PECAM1: variants seen among roughly 807,000 people sequenced by gnomAD.
The protein encoded by PECAM1 is platelet and endothelial cell adhesion molecule 1.
Under a neutral mutation model 13.8 loss-of-function variants are expected in PECAM1, and 8 were observed. The observed-to-expected ratio is 0.58, with a 90% CI of 0.34 to 1.05. The LOEUF is 1.05. PECAM1 is among the 50% of genes least tolerant of loss of function. The pLI is 0.03. For synonymous variants in PECAM1, 136 were observed against 52.6 expected, an observed-to-expected ratio of 2.58 and a Z score of -6.86; for missense variants, 304 against 141.2, an observed-to-expected ratio of 2.15 and a Z score of -5.84.
intron 2 of PECAM1, among the ~76,000 whole-genome samples, chr17:64,387,166 C>T (rs1209941304): frequency 6.6e-6 from 1 of 151,918 alleles, no homozygotes; most frequent in Non-Finnish European, 1.5e-5. Flanking sequence ...CTTTGGGGCA[C>T]GATCAAAAGT....
chr17:64,334,661 C>G (rs2035221409), intron 14 of PECAM1, among the ~76,000 whole-genome samples: 1 of 152,138 alleles, frequency 6.6e-6, no homozygotes, highest in South Asian at 2.1e-4. Context: ...GCGCCCGCCA[C>G]CACGTCCAGC....
At chr17:64,325,254 G>A (rs2034916114) in intron 15 of PECAM1, among the ~76,000 whole-genome samples, 1 of 152,152 alleles carries the variant, frequency 6.6e-6, no homozygotes. Context: ...CGGGCGTGGT[G>A]GCGTGTGCCT....
chr17:64,390,527 A>G lies in PECAM1; in HGVS notation c.65-12T>C, dbSNP rs1788205657. The G allele has an allele frequency of 8.4e-6, 4 of 474,412 alleles. No homozygotes were observed. Among genetic ancestry groups the G allele is most frequent in the East Asian group, 3.1e-5 (1 of 32,034 alleles). 29.4% of individuals were successfully genotyped at this position (474,412 alleles called of 1,614,324 possible). A position where few individuals can be genotyped will look rare whatever the true frequency, so the allele number is the denominator to read the frequency against. On this transcript the variant is annotated splice_polypyrimidine_tract_variant and intron_variant, in intron 1 of 15. Coordinates refer to ENST00000563924, the MANE Select transcript of PECAM1 (RefSeq NM_000442.5). Reference sequence around the variant, plus strand: ...CTCAAGGCTTGAACCTGCAAGAAACATAAGAAACATGTTGATTCCAGAAGC... The same window carrying G: ...CTCAAGGCTTGAACCTGCAAGAAACGTAAGAAACATGTTGATTCCAGAAGC...
chr17:64,369,773 C>T lies in PECAM1; in HGVS notation c.944G>A (p.Ser315Asn). 1 of 398,684 alleles carries T rather than the reference C, an allele frequency of 2.5e-6. No individual in the cohort carries two copies. Among genetic ancestry groups the T allele is most frequent in the Non-Finnish European group, 4.4e-6 (1 of 226,106 alleles). The allele number at this position is 398,684 out of a possible 1,614,324, so 24.7% of individuals were successfully genotyped here. ...KVESSRISKV[S>N]SIVVNITELF... ...ACCTGTTATGTTGACCACGATGCTG[C>T]TGACCTTGGATATGCGGCTGGACTC... The change falls in exon 5 of 16, where the codon AGC (serine) becomes AAC (asparagine). Residue 315 changes from serine (S) to asparagine (N), a missense_variant. Transcript: ENST00000563924.
At chr17:64,362,635 G>C (rs1016120659) in intron 6 of PECAM1, among the ~76,000 whole-genome samples, 4 of 151,840 alleles carry the variant, frequency 2.6e-5, no homozygotes, top group Non-Finnish European at 5.9e-5. Context: ...CTGGGTGACA[G>C]AGCGAGACTG....
In PECAM1 at chr17:64,322,561, T is replaced by G. The variant is rs2034831464; in HGVS notation, c.*1255A>C. On this transcript the variant is annotated 3_prime_UTR_variant, in exon 16 of 16. Transcript: ENST00000563924. ...ACATCCACGAGGGTCCCTGCAGCTG[T>G]GTCACTGAGGCAAACAGGAAAAGTG... The G allele has an allele frequency of 1.0e-6, 1 of 985,272 alleles. No individual in the cohort carries two copies. Among genetic ancestry groups the G allele is most frequent in the Non-Finnish European group, 1.2e-6 (1 of 829,934 alleles). 61.0% of individuals were successfully genotyped at this position (985,272 alleles called of 1,614,324 possible).
At chr17:64,381,597 C>A in intron 2 of PECAM1, among the ~76,000 whole-genome samples, 1 of 152,190 alleles carries the variant, frequency 6.6e-6, no homozygotes, top group Non-Finnish European at 1.5e-5. Flanking sequence ...CTACAATTTG[C>A]GCCTGCTGCT....
chr17:64,331,508 G>A (rs1477653072), intron 14 of PECAM1, among the ~76,000 whole-genome samples: 3 of 152,174 alleles, frequency 2.0e-5, no homozygotes, highest in East Asian at 3.9e-4. Context: ...CTTGGCAGGC[G>A]CCATGCTGTG....
intron 6 of PECAM1, among the ~76,000 whole-genome samples, chr17:64,360,618 G>GTGTGTGTGTGTGT (rs879077732): frequency 6.8e-6 from 1 of 147,448 alleles, no homozygotes; most frequent in Non-Finnish European, 1.5e-5. Context: ...GTGTGTGTGT[G>GTGTGTGTGTGTGT]GTGAGAAGGG....
intron 2 of PECAM1, among the ~76,000 whole-genome samples, chr17:64,381,333 G>A (rs947315352): frequency 2.6e-5 from 4 of 152,258 alleles, no homozygotes; most frequent in South Asian, 2.1e-4. Context: ...TTTGGGATGC[G>A]TTTGTGCTAA....
At chr17:64,333,735 A>G (rs1186052163) in intron 14 of PECAM1, among the ~76,000 whole-genome samples, 2 of 151,800 alleles carry the variant, frequency 1.3e-5, no homozygotes, top group African/African-American at 2.4e-5. Context: ...AGGCGGGCGG[A>G]TTGCTTGAGC....
intron 5 of PECAM1, among the ~76,000 whole-genome samples, chr17:64,364,117 C>T (rs1012634924): frequency 1.4e-4 from 21 of 152,002 alleles, no homozygotes; most frequent in African/African-American, 4.1e-4. Context: ...ATCAAATACA[C>T]GCAATAAAAA....
intron 14 of PECAM1, among the ~76,000 whole-genome samples, chr17:64,332,848 A>G (rs1369808413): frequency 6.6e-6 from 1 of 152,216 alleles, no homozygotes; most frequent in African/African-American, 2.4e-5. Flanking sequence ...TCTGAATTCC[A>G]GGCAAATAGA....
intron 7 of PECAM1, among the ~76,000 whole-genome samples, chr17:64,358,504 C>T (rs1249827912): frequency 2.6e-5 from 4 of 152,114 alleles, no homozygotes; most frequent in African/African-American, 9.7e-5. Flanking sequence ...CTTCTCTGCC[C>T]ACCCATTCTC....
At chr17:64,364,150 C>T (rs1003858558) in intron 5 of PECAM1, among the ~76,000 whole-genome samples, 20 of 151,978 alleles carry the variant, frequency 1.3e-4, no homozygotes, top group Non-Finnish European at 1.6e-4. Context: ...ATATCATCAC[C>T]GATCCCACAG....
At chr17:64,371,500 C>G (rs950623888) in intron 4 of PECAM1, among the ~76,000 whole-genome samples, 5,874 of 151,998 alleles carry the variant, frequency 0.039, 371 homozygotes, top group African/African-American at 0.14. Flanking sequence ...TGGTGAGACC[C>G]TCCATCTCAA....
In PECAM1 at chr17:64,321,807, G is replaced by A; in HGVS notation, c.*2009C>T. ...AAATTCAGTCGTGCTGCATAAGTAAGGCACCAGGAGTAGGAATAGGGTCTT... is the reference window on the plus strand; with the variant it reads ...AAATTCAGTCGTGCTGCATAAGTAAAGCACCAGGAGTAGGAATAGGGTCTT... On this transcript the variant is annotated 3_prime_UTR_variant, in exon 16 of 16. Coordinates refer to ENST00000563924, the MANE Select transcript of PECAM1 (RefSeq NM_000442.5). The A allele has an allele frequency of 7.5e-7, 1 of 1,336,764 alleles. No homozygotes were observed. The highest frequency in any genetic ancestry group is 9.9e-7 in the Non-Finnish European group (1 of 1,009,862). The allele number at this position is 1,336,764 out of a possible 1,614,324, so 82.8% of individuals were successfully genotyped here.
chr17:64,357,836 G>A (rs1184391515), intron 7 of PECAM1, among the ~76,000 whole-genome samples: 1 of 152,082 alleles, frequency 6.6e-6, no homozygotes, highest in African/African-American at 2.4e-5. Flanking sequence ...AGCTTCACAT[G>A]GGCTTCACAT....
At chr17:64,385,858 A>G (rs948794840) in intron 2 of PECAM1, among the ~76,000 whole-genome samples, 3 of 152,220 alleles carry the variant, frequency 2.0e-5, no homozygotes, top group Non-Finnish European at 4.4e-5. Flanking sequence ...CCTTCTGGGC[A>G]TGGCCCATTA....
Sources: gnomAD v4.1 joint callset for allele counts (sites outside exome capture counted in the v4.1 genomes callset) on GRCh38, gnomAD v4.1.1 for gene constraint, MANE v1.5 for transcripts, NCBI Gene and HGNC (gene_info 2026-07-23, HGNC 2026-07-21) for gene names.